The following WWC2 variants were observed in gnomAD, a reference collection of about 807,000 sequenced individuals.
WWC2 encodes WW and C2 domain containing 2.
Under a neutral mutation model 138.5 loss-of-function variants are expected in WWC2, and 101 were observed. The observed-to-expected ratio is 0.73, with a 90% CI of 0.62 to 0.86. The LOEUF is 0.86. WWC2 is among the 40% of genes least tolerant of loss of function. The pLI, the probability that WWC2 is intolerant of heterozygous loss-of-function variation, is 0.00. For missense variants in WWC2, 1,420 were observed against 1,419.4 expected (o/e 1.00, Z -0.01); for synonymous variants, 558 against 538.4 (o/e 1.04, Z -0.50).
Position 183,211,399 on chromosome 4 carries a change from T to A in WWC2, c.522+2374T>A, listed in dbSNP as rs114641138. Among the ~76,000 whole-genome samples, 1,522 of 152,354 alleles carry A rather than the reference T, an allele frequency of 1.0e-2. 30 individuals carry two copies. The highest frequency in any genetic ancestry group is 0.035 in the African/African-American group (1,465 of 41,584). On this transcript the variant is annotated intron_variant, in intron 4 of 22. Coordinates refer to ENST00000403733, the MANE Select transcript of WWC2 (RefSeq NM_024949.6). ...TAGTTACTTGCCCAAATTCTGCACA[T>A]TAATGTGTAATTTTTGAACACTTTG...
At chr4:183,294,389 T>G (rs992417425) in intron 21 of WWC2, among the ~76,000 whole-genome samples, 1 of 152,206 alleles carries the variant, frequency 6.6e-6, no homozygotes, top group Admixed American at 6.5e-5. Flanking sequence ...CCTACAAATT[T>G]ATTAAACTGC....
intron 1 of WWC2, among the ~76,000 whole-genome samples, chr4:183,132,789 T>C (rs1057328450): frequency 1.3e-5 from 2 of 152,130 alleles, no homozygotes; most frequent in African/African-American, 2.4e-5. Flanking sequence ...AAATGATTTT[T>C]TTTTCTGTGA....
chr4:183,234,532 CTTTCTTT>C (rs1736355010), intron 4 of WWC2, among the ~76,000 whole-genome samples: 1 of 152,008 alleles, frequency 6.6e-6, no homozygotes, highest in African/African-American at 2.4e-5. Flanking sequence ...TCTAATTTGT[CTTTCTTT>C]TTACATGTAT....
intron 1 of WWC2, among the ~76,000 whole-genome samples, chr4:183,154,567 A>G (rs1044467996): frequency 4.6e-5 from 7 of 152,152 alleles, no homozygotes; most frequent in Non-Finnish European, 7.3e-5. Context: ...TCTATAACCA[A>G]ATGGCTACAT....
intron 1 of WWC2, among the ~76,000 whole-genome samples, chr4:183,192,986 G>C (rs552048818): frequency 1.3e-5 from 2 of 152,312 alleles, no homozygotes; most frequent in South Asian, 4.2e-4. Flanking sequence ...TCTTAAGAGA[G>C]AGTATAAAGC....
intron 22 of WWC2, among the ~76,000 whole-genome samples, chr4:183,314,538 C>A (rs930197550): frequency 6.6e-6 from 1 of 152,198 alleles, no homozygotes; most frequent in Non-Finnish European, 1.5e-5. Context: ...GCGGTGGGGC[C>A]TGGGCCGTTC....
intron 1 of WWC2, among the ~76,000 whole-genome samples, chr4:183,186,858 C>G (rs1734820790): frequency 6.6e-6 from 1 of 152,112 alleles, no homozygotes; most frequent in Admixed American, 6.5e-5. Flanking sequence ...GTAGGAGGAC[C>G]AGACCTAGGA....
chr4:183,137,522 A>G (rs1733157581), intron 1 of WWC2, among the ~76,000 whole-genome samples: 1 of 149,926 alleles, frequency 6.7e-6, no homozygotes, highest in Non-Finnish European at 1.5e-5. Context: ...TTTTTTTGAG[A>G]TGGAGTCTCA....
At chr4:183,139,246 G>A (rs750941528) in intron 1 of WWC2, among the ~76,000 whole-genome samples, 1 of 152,112 alleles carries the variant, frequency 6.6e-6, no homozygotes, top group Non-Finnish European at 1.5e-5. Context: ...TGGGGTAAGC[G>A]GAATGAGGAC....
chr4:183,296,499 T>C (rs1400660281), intron 21 of WWC2, among the ~76,000 whole-genome samples: 1 of 152,152 alleles, frequency 6.6e-6, no homozygotes, highest in Non-Finnish European at 1.5e-5. Context: ...ACTTTAGAAC[T>C]CTCCTTTGTA....
At chr4:183,294,004 A>G (rs1738550496) in intron 21 of WWC2, among the ~76,000 whole-genome samples, 2 of 152,122 alleles carry the variant, frequency 1.3e-5, no homozygotes, top group Non-Finnish European at 2.9e-5. Context: ...TATTATATCA[A>G]ATTATACTAT....
chr4:183,257,943 A>G (rs1187706867), intron 9 of WWC2, among the ~76,000 whole-genome samples: 3 of 152,208 alleles, frequency 2.0e-5, no homozygotes, highest in Non-Finnish European at 2.9e-5. Flanking sequence ...TCTGTGGTTC[A>G]AAGCAGACAT....
intron 2 of WWC2, among the ~76,000 whole-genome samples, chr4:183,207,169 A>G (rs1735469123): frequency 7.1e-6 from 1 of 141,486 alleles, no homozygotes; most frequent in Admixed American, 7.4e-5. Flanking sequence ...GGTTGCATCC[A>G]CAGAAACTCT....
rs1000040175 is a variant in WWC2 at position 183,317,850 on chromosome 4, G to C, written c.*2121G>C. 2.0e-5 allele frequency: 3 copies of C among 152,168 alleles called. No homozygotes were observed. Among genetic ancestry groups the C allele is most frequent in the African/African-American group, 7.2e-5 (3 of 41,456 alleles). The allele number at this position is 152,168 out of a possible 1,614,324, so 9.4% of individuals were successfully genotyped here. ...ATCTGTCTCAGGCTGGTAGTTAGCAGTTGTGACCAAGATGCTTTTGGTTGT... is the reference window on the plus strand; with the variant it reads ...ATCTGTCTCAGGCTGGTAGTTAGCACTTGTGACCAAGATGCTTTTGGTTGT... On this transcript the variant is annotated 3_prime_UTR_variant, in exon 23 of 23. Transcript: ENST00000403733.
chr4:183,145,312 C>T (rs766512457), intron 1 of WWC2, among the ~76,000 whole-genome samples: 1 of 151,922 alleles, frequency 6.6e-6, no homozygotes, highest in African/African-American at 2.4e-5. Flanking sequence ...TATTTATTTT[C>T]GAGCTATTTG....
At chr4:183,169,282 TG>T (rs1429830033) in intron 1 of WWC2, among the ~76,000 whole-genome samples, 1 of 152,242 alleles carries the variant, frequency 6.6e-6, no homozygotes, top group African/African-American at 2.4e-5. Context: ...TGATGCTCCT[TG>T]AAATTTTACG....
Position 183,113,652 on chromosome 4 carries a change from C to A in WWC2, c.131+14030C>A, listed in dbSNP as rs1026202924. Among the ~76,000 whole-genome samples, 9 of 152,176 alleles carry A rather than the reference C, an allele frequency of 5.9e-5. No homozygotes were observed. In the East Asian group the frequency reaches 1.8e-3, roughly 30 times the overall value. On this transcript the variant is annotated intron_variant, in intron 1 of 22. Transcript: ENST00000403733. ...CTTCAAGCAGTCCTCCCTCTGCAGC[C>A]TCCCAAAGTGCTGAAATTTACAGGT...
intron 1 of WWC2, among the ~76,000 whole-genome samples, chr4:183,188,613 A>G (rs1318195204): frequency 6.9e-6 from 1 of 145,142 alleles, no homozygotes; most frequent in Non-Finnish European, 1.5e-5. Context: ...TCTCTATCTA[A>G]TATGATCTCT....
At chr4:183,247,188 G>GCA (rs1189245784) in intron 6 of WWC2, among the ~76,000 whole-genome samples, 4 of 151,364 alleles carry the variant, frequency 2.6e-5, no homozygotes, top group Admixed American at 1.3e-4. Context: ...GCATGCACGC[G>GCA]CACACACACA....
Sources: gnomAD v4.1 joint callset for allele counts (sites outside exome capture counted in the v4.1 genomes callset) on GRCh38, gnomAD v4.1.1 for gene constraint, MANE v1.5 for transcripts, NCBI Gene and HGNC (gene_info 2026-07-23, HGNC 2026-07-21) for gene names.